The following WDR27 variants were observed in gnomAD, a reference collection of about 807,000 sequenced individuals.
WDR27 encodes the protein WD repeat domain 27.
Under a neutral mutation model 114.4 loss-of-function variants are expected in WDR27, and 100 were observed. The observed-to-expected ratio is 0.87, with a 90% CI of 0.74 to 1.03. The LOEUF is 1.03. Ranked by LOEUF, WDR27 falls within the 50% of genes least tolerant of loss-of-function variation. The probability of loss-of-function intolerance (pLI) is 0.00; values close to 1 mark genes in which losing one functional copy is unlikely to be tolerated. For synonymous variants in WDR27, 449 were observed against 423.1 expected, an observed-to-expected ratio of 1.06 and a Z score of -0.75; for missense variants, 1,129 against 1,092.9, an observed-to-expected ratio of 1.03 and a Z score of -0.47.
At chr6:169,448,691 C>T in the WDR27 span, among the ~76,000 whole-genome samples, 1 of 152,196 alleles carries the variant, frequency 6.6e-6, no homozygotes, top group African/African-American at 2.4e-5. Flanking sequence ...CCGACCTGCA[C>T]GTGGCCGTGT....
intron 18 of WDR27, 110 bp downstream of exon 18, chr6:169,638,427 CTT>C: frequency 1.5e-6 from 2 of 1,356,444 alleles, no homozygotes; most frequent in Non-Finnish European, 2.0e-6. Flanking sequence ...AAAGCAAACT[CTT>C]GGCTTACGTC....
the WDR27 span, among the ~76,000 whole-genome samples, chr6:169,435,001 AC>A: frequency 2.6e-5 from 4 of 152,068 alleles, no homozygotes; most frequent in African/African-American, 7.2e-5. Flanking sequence ...GGCCCAGGGC[AC>A]CCCTGCTGTG....
Position 169,457,579 on chromosome 6 carries a change from A to G in WDR27, c.*13T>C. On this transcript the variant is annotated 3_prime_UTR_variant, in exon 26 of 26. Transcript: ENST00000448612. ...CATTCCTGGACCCAGCTCACAGGTC[A>G]GTGGTTACTCAGCTAGAAAGAGCTG... The G allele has an allele frequency of 1.3e-6, 2 of 1,551,218 alleles. No homozygotes were observed. Among genetic ancestry groups the G allele is most frequent in the Non-Finnish European group, 1.7e-6 (2 of 1,146,668 alleles).
intron 22 of WDR27, among the ~76,000 whole-genome samples, chr6:169,610,958 G>A (rs1015576305): frequency 6.6e-6 from 1 of 152,142 alleles, no homozygotes; most frequent in African/African-American, 2.4e-5. Flanking sequence ...ATAGACTCAG[G>A]TGGCAGGTGC....
chr6:169,694,830 G>A (rs2128310549), intron 1 of WDR27, among the ~76,000 whole-genome samples: 1 of 152,386 alleles, frequency 6.6e-6, no homozygotes, highest in Middle Eastern at 3.4e-3. Context: ...TCCCACCGTT[G>A]CAGGGCGCTG....
chr6:169,682,578 C>T (rs1185132834), intron 2 of WDR27, among the ~76,000 whole-genome samples: 2 of 152,188 alleles, frequency 1.3e-5, no homozygotes, highest in Non-Finnish European at 2.9e-5. Flanking sequence ...TGTAGAATCC[C>T]TGGAAGGCCC....
intron 25 of WDR27, among the ~76,000 whole-genome samples, chr6:169,552,017 C>T (rs1186265495): frequency 6.6e-6 from 1 of 152,160 alleles, no homozygotes. Context: ...GGTTCCGTCC[C>T]ACGCAGAGAA....
intron 21 of WDR27, among the ~76,000 whole-genome samples, chr6:169,625,051 A>AG (rs1814450477): frequency 6.6e-6 from 1 of 152,246 alleles, no homozygotes; most frequent in Admixed American, 6.5e-5. Context: ...ACACACACGT[A>AG]GCTGCTTCTC....
chr6:169,604,206 C>A (rs181934771), intron 22 of WDR27, among the ~76,000 whole-genome samples: 1 of 152,124 alleles, frequency 6.6e-6, no homozygotes, highest in African/African-American at 2.4e-5. Context: ...AATTGATAAA[C>A]CACTTGTAGA....
chr6:169,622,589 C>T (rs115830754), intron 21 of WDR27, among the ~76,000 whole-genome samples: 2,572 of 152,232 alleles, frequency 0.017, 64 homozygotes, highest in African/African-American at 0.06. Flanking sequence ...AAAACAATCT[C>T]CACAAAGAGA....
intron 1 of WDR27, among the ~76,000 whole-genome samples, chr6:169,692,824 C>T (rs117250354): frequency 0.013 from 1,991 of 152,290 alleles, 27 homozygotes; most frequent in Middle Eastern, 0.058. Flanking sequence ...ACCCTGCCCC[C>T]ATCTGATGGT....
intron 21 of WDR27, among the ~76,000 whole-genome samples, chr6:169,617,792 A>C (rs1199878511): frequency 6.6e-6 from 1 of 152,196 alleles, no homozygotes; most frequent in African/African-American, 2.4e-5. Context: ...CATTTTGAAC[A>C]TGCCTATTCC....
chr6:169,632,920 ATACATGT>A lies in WDR27; in HGVS notation c.2223+20_2223+26del. The A allele has an allele frequency of 1.3e-6, 2 of 1,570,774 alleles. No individual in the cohort carries two copies. The highest frequency in any genetic ancestry group is 1.7e-6 in the Non-Finnish European group (2 of 1,148,352). ...CTTTAAGCACATAGTTTTACAGATG[ATACATGT>A]TATCCAAAAACTTACTCACTTTATT... is the stretch of plus-strand genomic sequence containing the variant. On this transcript the variant is annotated intron_variant, in intron 21 of 25. Transcript: ENST00000448612.
chr6:169,482,906 G>C (rs1788387126), intron 25 of WDR27, among the ~76,000 whole-genome samples: 1 of 152,114 alleles, frequency 6.6e-6, no homozygotes, highest in Non-Finnish European at 1.5e-5. Context: ...CAATTACATG[G>C]AAATTAATCA....
At chr6:169,529,941 T>C (rs2865099) in intron 25 of WDR27, among the ~76,000 whole-genome samples, 54,726 of 152,174 alleles carry the variant, frequency 0.36, 11,095 homozygotes, top group African/African-American at 0.55. Context: ...AGGAATCCTA[T>C]GTGTTGAGTA....
chr6:169,467,115 C>A (rs1282746733), intron 25 of WDR27, among the ~76,000 whole-genome samples: 1 of 152,190 alleles, frequency 6.6e-6, no homozygotes, highest in Non-Finnish European at 1.5e-5. Context: ...GTCTCACATC[C>A]CAGTCATGCT....
At chr6:169,672,439 AAAAATAAGAGTAT>A (rs1161657126) in intron 2 of WDR27, 43 bp from the exon 3 acceptor site, 1 of 1,519,364 alleles carries the variant, frequency 6.6e-7, no homozygotes, top group Non-Finnish European at 8.8e-7. Flanking sequence ...ACAGACATTT[AAAAATAAGAGTAT>A]AACAACATAA....
chr6:169,584,676 T>C (rs577226772), intron 23 of WDR27, among the ~76,000 whole-genome samples: 99 of 152,346 alleles, frequency 6.5e-4, no homozygotes, highest in Middle Eastern at 3.4e-3. Context: ...CACCTTTTCG[T>C]ATAGCTTTTT....
At chr6:169,556,977 C>T (rs1049165738) in intron 25 of WDR27, among the ~76,000 whole-genome samples, 2 of 152,216 alleles carry the variant, frequency 1.3e-5, no homozygotes, top group Non-Finnish European at 2.9e-5. Context: ...AGATGTACAA[C>T]CCCATGCAAA....
Sources: gnomAD v4.1 joint callset for allele counts (sites outside exome capture counted in the v4.1 genomes callset) on GRCh38, gnomAD v4.1.1 for gene constraint, MANE v1.5 for transcripts, NCBI Gene and HGNC (gene_info 2026-07-23, HGNC 2026-07-21) for gene names.